The following FARP1 variants were observed in gnomAD, a reference collection of about 807,000 sequenced individuals.
FARP1 encodes the protein FERM, ARHGEF and pleckstrin domain-containing protein 1.
In FARP1, 52 loss-of-function variants were observed where a neutral mutation model predicts 128.8. The ratio of observed to expected loss-of-function variants is 0.40; its 90% CI spans 0.32 to 0.51. FARP1 has a LOEUF of 0.51. Ranked by LOEUF, FARP1 falls within the 20% of genes least tolerant of loss-of-function variation. The pLI is 0.45. For missense variants in FARP1, 1,333 were observed against 1,367.9 expected (o/e 0.97, Z 0.40); for synonymous variants, 580 against 551.8 (o/e 1.05, Z -0.72).
In FARP1 at chr13:98,412,043, A is replaced by G. The variant is rs756254444; in HGVS notation, c.1826+9A>G. On this transcript the variant is annotated intron_variant, in intron 16 of 26. Transcript: ENST00000319562. ...CAACGACTTGCCCTGTGGTGAGTAC[A>G]TTTCTACTTCCCAGCTACGTTCCTC... 6.2e-6 allele frequency: 10 copies of G among 1,612,328 alleles called. No individual in the cohort carries two copies. In the African/African-American group the frequency reaches 9.4e-5, roughly 15 times the overall value.
chr13:98,426,432 G>C (rs1195107721), intron 17 of FARP1, among the ~76,000 whole-genome samples: 1 of 152,238 alleles, frequency 6.6e-6, no homozygotes, highest in Non-Finnish European at 1.5e-5. Context: ...TGATGCTGCA[G>C]TGAGCCATGA....
rs181295788 is a variant in FARP1, at chr13:98,381,211, T to G, written c.496+3293T>G. ...CATTTCTGCATTTTTAAGTATCCCA[T>G]GCACTCAGTCATGAAAGGAGGCATT... On this transcript the variant is annotated intron_variant, in intron 6 of 26. Transcript: ENST00000319562. 5.3e-4 allele frequency among the ~76,000 whole-genome samples: 81 copies of G among 152,360 alleles called. 1 individual carries two copies. Among genetic ancestry groups the G allele is most frequent in the African/African-American group, 1.9e-3 (78 of 41,596 alleles).
chr13:98,217,444 G>A (rs1426209213), intron 2 of FARP1, among the ~76,000 whole-genome samples: 2 of 152,168 alleles, frequency 1.3e-5, no homozygotes, highest in East Asian at 1.9e-4. Context: ...GAGGGAACTC[G>A]GCGTCTACGA....
intron 19 of FARP1, among the ~76,000 whole-genome samples, chr13:98,437,269 C>T (rs1892308006): frequency 1.3e-5 from 2 of 152,170 alleles, no homozygotes; most frequent in Admixed American, 6.5e-5. Flanking sequence ...ATTTGCCCCT[C>T]AGTCTCCTTA....
intron 26 of FARP1, chr13:98,447,170 C>G (rs932994837): frequency 9.5e-6 from 2 of 209,586 alleles, no homozygotes; most frequent in East Asian, 1.3e-4. Flanking sequence ...GAAAGAAATG[C>G]AACAGTCAGG....
chr13:98,323,944 G>T (rs1887116782), intron 2 of FARP1, among the ~76,000 whole-genome samples: 1 of 152,098 alleles, frequency 6.6e-6, no homozygotes, highest in Non-Finnish European at 1.5e-5. Flanking sequence ...AACCAGAATT[G>T]AATTTAGTCA....
chr13:98,282,223 G>A (rs1884969522), intron 2 of FARP1, among the ~76,000 whole-genome samples: 1 of 152,180 alleles, frequency 6.6e-6, no homozygotes, highest in African/African-American at 2.4e-5. Context: ...AGGGTCACCT[G>A]AGCATAGGGA....
chr13:98,157,296 C>T (rs1164022625), intron 1 of FARP1, among the ~76,000 whole-genome samples: 1 of 152,072 alleles, frequency 6.6e-6, no homozygotes, highest in Admixed American at 6.6e-5. Flanking sequence ...TCCCAGCCTC[C>T]TGTACTTCCC....
At chr13:98,311,736 C>T (rs1014676656) in intron 2 of FARP1, among the ~76,000 whole-genome samples, 3 of 152,120 alleles carry the variant, frequency 2.0e-5, no homozygotes, top group Admixed American at 1.3e-4. Context: ...AGAGAGAACT[C>T]GTACTTTCAA....
At position 98,209,255 on chromosome 13, in the gene FARP1, G is replaced by A. The variant is rs533089412; in HGVS notation, c.-23-3965G>A. ...GATCTCCTGACCTCGTGATCCACCC[G>A]CCTTGGCCTCCCAAAGTGCTGGGAT... On this transcript the variant is annotated intron_variant, in intron 1 of 26. Coordinates refer to ENST00000319562, the MANE Select transcript of FARP1 (RefSeq NM_005766.4). Among the ~76,000 whole-genome samples, 8 of 151,816 alleles carry A rather than the reference G, an allele frequency of 5.3e-5. No homozygotes were observed. The South Asian group carries it at 6.2e-4, about 12-fold the overall frequency.
intron 17 of FARP1, among the ~76,000 whole-genome samples, chr13:98,426,038 C>T (rs933598499): frequency 6.6e-6 from 1 of 152,148 alleles, no homozygotes; most frequent in African/African-American, 2.4e-5. Context: ...TCATACTGCC[C>T]CCATTTCAAT....
chr13:98,179,650 G>T (rs1878359138), intron 1 of FARP1, among the ~76,000 whole-genome samples: 1 of 151,998 alleles, frequency 6.6e-6, no homozygotes, highest in Non-Finnish European at 1.5e-5. Context: ...GGATCACGAG[G>T]TCAGGAGATC....
rs1277390953 is a variant in FARP1 at position 98,453,613 on chromosome 13, A to G, written c.*5296A>G. On this transcript the variant is annotated 3_prime_UTR_variant, in exon 27 of 27. Transcript: ENST00000319562. ...ACCCATTTTGGCCATAAAAATAGTG[A>G]TGCAGTCCAAGAATCTATTTCCTAG... The G allele has an allele frequency of 4.8e-5, 8 of 166,160 alleles. No homozygotes were observed. Among genetic ancestry groups the G allele is most frequent in the Non-Finnish European group, 9.0e-5 (7 of 77,610 alleles). The allele number at this position is 166,160 out of a possible 1,614,324, so 10.3% of individuals were successfully genotyped here.
intron 1 of FARP1, among the ~76,000 whole-genome samples, chr13:98,167,205 G>A (rs1207620717): frequency 1.3e-5 from 2 of 151,936 alleles, no homozygotes; most frequent in Non-Finnish European, 2.9e-5. Context: ...TGATTTATAG[G>A]ACTTCCTTTA....
chr13:98,444,183 G>A (rs1892676471), intron 24 of FARP1, among the ~76,000 whole-genome samples: 1 of 152,140 alleles, frequency 6.6e-6, no homozygotes, highest in Non-Finnish European at 1.5e-5. Flanking sequence ...CCCTGTATCT[G>A]CACTCTAATA....
rs1875194723 is a variant in FARP1 at position 98,143,264 on chromosome 13, C to CGCTCCCCACCCACCCCGCCT, written c.-246_-227dup. The CGCTCCCCACCCACCCCGCCT allele has an allele frequency of 1.3e-5, 2 of 149,296 alleles. No individual in the cohort carries two copies. Among genetic ancestry groups the CGCTCCCCACCCACCCCGCCT allele is most frequent in the African/African-American group, 4.9e-5 (2 of 41,116 alleles). The allele number at this position is 149,296 out of a possible 1,614,324, so 9.2% of individuals were successfully genotyped here. On this transcript the variant is annotated 5_prime_UTR_variant, in exon 1 of 27. It removes the in-frame stop codon of an upstream open reading frame in the 5' UTR. Coordinates refer to ENST00000319562, the MANE Select transcript of FARP1 (RefSeq NM_005766.4). ...GAGGCGGCCATGGCGACCCGGAGCC[C>CGCTCCCCACCCACCCCGCCT]GCTCCCCACCCACCCCGCCTGCTCC...
At chr13:98,191,576 T>C (rs1879228691) in intron 1 of FARP1, among the ~76,000 whole-genome samples, 2 of 152,240 alleles carry the variant, frequency 1.3e-5, no homozygotes, top group Admixed American at 1.3e-4. Flanking sequence ...TCTGGGAGAC[T>C]ATGCTTCTTC....
In FARP1 at chr13:98,398,919, G is replaced by A. The variant is rs546104599; in HGVS notation, c.1414+3443G>A. The A allele has an allele frequency of 2.0e-4, 30 of 152,276 alleles. No homozygotes were observed. In the South Asian group the frequency reaches 6.2e-3, roughly 32 times the overall value. The allele number at this position is 152,276 out of a possible 1,614,324, so 9.4% of individuals were successfully genotyped here. Reference sequence around the variant, plus strand: ...GGAATCGTCAAATGTAAGCATCCCCGAGCAAAACACGCTTCAATCATTATT... The same window carrying A: ...GGAATCGTCAAATGTAAGCATCCCCAAGCAAAACACGCTTCAATCATTATT... On this transcript the variant is annotated intron_variant, in intron 13 of 26. Transcript: ENST00000319562.
rs1892464954 is a variant in FARP1 at position 98,440,173 on chromosome 13, A to G, written c.2567A>G (p.Asp856Gly). 6.2e-7 allele frequency: 1 copy of G among 1,613,746 alleles called. No individual in the cohort carries two copies. The highest frequency in any genetic ancestry group is 1.3e-5 in the African/African-American group (1 of 74,840). The change falls in exon 23 of 27, where the codon GAC (aspartate) becomes GGC (glycine). Residue 856 changes from aspartate to glycine, a missense_variant. Asp to Gly is a moderately conservative substitution (Grantham distance 94). This residue lies in a region of FARP1 where 1,009 missense variants were observed against 969.8 expected (regional missense o/e 1.04). Transcript: ENST00000319562. ...KWVEDIQMAIDLAEKSSSPAP... is the reference protein window; with the variant it reads ...KWVEDIQMAIGLAEKSSSPAP... Reference sequence around the variant, plus strand: ...GTTGAGGACATCCAGATGGCCATTGACCTGGCGGAGAAGAGCAGCAGCCCC... The same window carrying G: ...GTTGAGGACATCCAGATGGCCATTGGCCTGGCGGAGAAGAGCAGCAGCCCC...
Sources: allele counts gnomAD v4.1 joint callset (sites outside exome capture counted in the v4.1 genomes callset), GRCh38; gene constraint gnomAD v4.1.1; regional missense constraint gnomAD v4.1.1; transcripts MANE v1.5; gene names NCBI Gene and HGNC (gene_info 2026-07-23, HGNC 2026-07-21).